The following ARAP2 variants were observed in gnomAD, a reference collection of about 807,000 sequenced individuals.
ARAP2 encodes arf-GAP with Rho-GAP domain, ANK repeat and PH domain-containing protein 2.
ARAP2 carries 148 observed loss-of-function variants against 194.5 expected under a neutral mutation model. The observed-to-expected ratio is 0.76, with a 90% CI of 0.67 to 0.87. The LOEUF (loss-of-function observed/expected upper bound fraction) is 0.87. ARAP2 is among the 40% of genes least tolerant of loss of function. The pLI, the probability that ARAP2 is intolerant of heterozygous loss-of-function variation, is 0.00. For missense variants in ARAP2, 2,128 were observed against 1,989.7 expected, an observed-to-expected ratio of 1.07 and a Z score of -1.32; for synonymous variants, 695 against 683.5, an observed-to-expected ratio of 1.02 and a Z score of -0.26.
At chr4:36,041,505 G>A (rs775486270) in intron 5 of ARAP2, among the ~76,000 whole-genome samples, 9 of 152,130 alleles carry the variant, frequency 5.9e-5, no homozygotes, top group African/African-American at 9.7e-5. Flanking sequence ...AATGAGAATG[G>A]CTATTACTAA....
chr4:36,212,120 T>C (rs1746896571), intron 5 of ARAP2, among the ~76,000 whole-genome samples: 1 of 10,550 alleles, frequency 9.5e-5, no homozygotes, highest in Non-Finnish European at 2.4e-4. Context: ...TGTGCAATCA[T>C]AGTCACCTGT....
chr4:36,134,620 A>T (rs1726216206), intron 19 of ARAP2, among the ~76,000 whole-genome samples: 1 of 151,642 alleles, frequency 6.6e-6, no homozygotes, highest in South Asian at 2.1e-4. Flanking sequence ...ACTGTCTTAC[A>T]GTTCTTGAGT....
intron 2 of ARAP2, among the ~76,000 whole-genome samples, chr4:36,225,470 G>A (rs922335776): frequency 2.0e-5 from 3 of 152,026 alleles, no homozygotes; most frequent in Admixed American, 6.6e-5. Context: ...GACTAGCAAG[G>A]CCTCCAAGTG....
At chr4:36,044,991 CACA>C (rs1052423774) in intron 5 of ARAP2, among the ~76,000 whole-genome samples, 5 of 151,922 alleles carry the variant, frequency 3.3e-5, no homozygotes, top group Admixed American at 2.0e-4. Flanking sequence ...AAAGTAAAAC[CACA>C]ACAAGTTTTC....
chr4:36,062,574 C>T (rs2109279130), downstream of ARAP2, among the ~76,000 whole-genome samples: 1 of 152,068 alleles, frequency 6.6e-6, no homozygotes, highest in East Asian at 1.9e-4. Context: ...TTTATTGTAT[C>T]TCTACTATGC....
intron 9 of ARAP2, among the ~76,000 whole-genome samples, chr4:36,169,852 G>A (rs1295133119): frequency 6.6e-6 from 1 of 152,124 alleles, no homozygotes; most frequent in Non-Finnish European, 1.5e-5. Flanking sequence ...GCTTGCCATG[G>A]CCATATGGTT....
downstream of ARAP2, among the ~76,000 whole-genome samples, chr4:36,062,808 G>T (rs1250316424): frequency 6.6e-6 from 1 of 152,060 alleles, no homozygotes; most frequent in Non-Finnish European, 1.5e-5. Context: ...AACATATAGT[G>T]GCTGTGGCAG....
chr4:36,193,047 T>C (rs982560633), intron 7 of ARAP2, among the ~76,000 whole-genome samples: 2 of 152,164 alleles, frequency 1.3e-5, no homozygotes, highest in Non-Finnish European at 2.9e-5. Context: ...TCCAACCATC[T>C]TGCAAACCTC....
intron 19 of ARAP2, among the ~76,000 whole-genome samples, chr4:36,144,946 T>G (rs1461505649): frequency 6.6e-6 from 1 of 151,982 alleles, no homozygotes; most frequent in African/African-American, 2.4e-5. Flanking sequence ...TTTTCCCTTA[T>G]GATTTTAATA....
chr4:36,121,360 CTTT>C, intron 22 of ARAP2, 34 bp from the exon 23 acceptor site: 13 of 1,517,344 alleles, frequency 8.6e-6, no homozygotes, highest in African/African-American at 7.1e-5. Context: ...TTATGATACA[CTTT>C]TATTTGGAAA....
intron 6 of ARAP2, among the ~76,000 whole-genome samples, chr4:36,016,647 A>G (rs12500294): frequency 0.33 from 50,268 of 151,920 alleles, 8,515 homozygotes; most frequent in Middle Eastern, 0.44. Context: ...ACATCAGGTA[A>G]AAAAGACTTT....
At chr4:36,032,726 G>A (rs1719204157) in intron 5 of ARAP2, among the ~76,000 whole-genome samples, 1 of 151,854 alleles carries the variant, frequency 6.6e-6, no homozygotes, top group Non-Finnish European at 1.5e-5. Context: ...TGTTATATAG[G>A]TAAACTCCTG....
At chr4:36,049,749 C>T (rs1722369676) in intron 3 of ARAP2, among the ~76,000 whole-genome samples, 1 of 152,026 alleles carries the variant, frequency 6.6e-6, no homozygotes, top group African/African-American at 2.4e-5. Context: ...AAAAGAAAAA[C>T]ACTCCACCTA....
intron 19 of ARAP2, among the ~76,000 whole-genome samples, chr4:36,136,959 T>C (rs752311014): frequency 4.0e-5 from 6 of 149,266 alleles, no homozygotes; most frequent in East Asian, 4.0e-4. Context: ...CACACACACA[T>C]ATACACGTAT....
In ARAP2 at chr4:36,166,952, G is replaced by A. The variant is rs531576155; in HGVS notation, c.1953C>T (p.Ile651=). The change falls in exon 10 of 33, where the codon ATC becomes ATT. Residue 651 remains isoleucine, a synonymous_variant. Transcript: ENST00000303965. Reference sequence around the variant, plus strand: ...CTTACCTGAAACTCCTGTAGGGAGTGATTATTTCAAAAGATTGTTTCACAG... The same window carrying A: ...CTTACCTGAAACTCCTGTAGGGAGTAATTATTTCAAAAGATTGTTTCACAG... The part of the protein sequence containing the change: ...DRTVKQSFEI[I]TPYRSFSFTA... The A allele has an allele frequency of 2.0e-5, 32 of 1,602,722 alleles. No individual in the cohort carries two copies. Among genetic ancestry groups the A allele is most frequent in the Non-Finnish European group, 2.7e-5 (32 of 1,175,472 alleles).
chr4:36,198,903 C>T (rs1360723752), intron 6 of ARAP2, among the ~76,000 whole-genome samples: 4 of 152,336 alleles, frequency 2.6e-5, no homozygotes, highest in Non-Finnish European at 5.9e-5. Context: ...ACCAAGAGCA[C>T]AGGGAGGCCT....
At chr4:36,176,793 T>C (rs188431229) in intron 9 of ARAP2, among the ~76,000 whole-genome samples, 125 of 152,230 alleles carry the variant, frequency 8.2e-4, no homozygotes, top group Non-Finnish European at 1.4e-3. Flanking sequence ...ATATTTAATG[T>C]GTAAGTTCAC....
In ARAP2 at chr4:36,166,951, T is replaced by C; in HGVS notation, c.1954A>G (p.Thr652Ala). The change falls in exon 10 of 33, where the codon ACT becomes GCT. Residue 652 changes from threonine to alanine, a missense_variant. Transcript: ENST00000303965. ...RTVKQSFEII[T>A]PYRSFSFTAE... ...GCTTACCTGAAACTCCTGTAGGGAGTGATTATTTCAAAAGATTGTTTCACA... is the reference window on the plus strand; with the variant it reads ...GCTTACCTGAAACTCCTGTAGGGAGCGATTATTTCAAAAGATTGTTTCACA... The C allele has an allele frequency of 6.2e-7, 1 of 1,601,570 alleles. No homozygotes were observed. The highest frequency in any genetic ancestry group is 8.5e-7 in the Non-Finnish European group (1 of 1,175,082).
chr4:36,037,241 G>A (rs149011251), intron 5 of ARAP2, among the ~76,000 whole-genome samples: 2 of 152,278 alleles, frequency 1.3e-5, no homozygotes, highest in East Asian at 3.9e-4. Flanking sequence ...ACATTGTGGT[G>A]TCATCATAGA....
Sources: gnomAD v4.1 joint callset for allele counts (sites outside exome capture counted in the v4.1 genomes callset) on GRCh38, gnomAD v4.1.1 for gene constraint, MANE v1.5 for transcripts, NCBI Gene and HGNC (gene_info 2026-07-23, HGNC 2026-07-21) for gene names.